SDK1: variants seen among roughly 807,000 people sequenced by gnomAD.
The protein encoded by SDK1 is sidekick cell adhesion molecule 1.
In SDK1, 157 loss-of-function variants were observed where a neutral mutation model predicts 245.5. The observed-to-expected ratio is 0.64, with a 90% CI of 0.56 to 0.73. SDK1 has a LOEUF of 0.73. Among genes scored for constraint, SDK1 ranks in the 30% least tolerant of loss-of-function variants. The pLI is 0.00. For synonymous variants in SDK1, 1,647 were observed against 1,278.5 expected, an observed-to-expected ratio of 1.29 and a Z score of -6.15; for missense variants, 3,583 against 3,002.3, an observed-to-expected ratio of 1.19 and a Z score of -4.52.
At chr7:4,116,704 G>A in intron 25 of SDK1, among the ~76,000 whole-genome samples, 1 of 152,230 alleles carries the variant, frequency 6.6e-6, no homozygotes, top group East Asian at 1.9e-4. Context: ...CAGGAGGTGA[G>A]GGTAGACAGG....
chr7:3,858,578 G>C (rs74965375), intron 5 of SDK1, among the ~76,000 whole-genome samples: 163 of 152,104 alleles, frequency 1.1e-3, no homozygotes, highest in Middle Eastern at 3.4e-3. Context: ...AGTCGTCTAT[G>C]TCTGCTTTGT....
chr7:4,116,143 C>T (rs1341505935), intron 25 of SDK1, among the ~76,000 whole-genome samples: 3 of 152,080 alleles, frequency 2.0e-5, no homozygotes, highest in Non-Finnish European at 4.4e-5. Flanking sequence ...GAAGGTGGTG[C>T]CGAGGTGGGA....
Position 4,266,868 on chromosome 7 carries a change from C to A in SDK1, c.*1484C>A, listed in dbSNP as rs865806256. ...AGACTCAAGACCACCCTGTCAGTGC[C>A]CCCCAGTGCACGGCAAACGGGCAGG... is the stretch of plus-strand genomic sequence containing the variant. On this transcript the variant is annotated 3_prime_UTR_variant, in exon 45 of 45. Coordinates refer to ENST00000404826, the MANE Select transcript of SDK1 (RefSeq NM_152744.4). The A allele has an allele frequency of 2.4e-5, 24 of 985,528 alleles. No homozygotes were observed. The highest frequency in any genetic ancestry group is 1.0e-3 in the Middle Eastern group (2 of 1,916). 61.0% of individuals were successfully genotyped at this position (985,528 alleles called of 1,614,324 possible).
chr7:4,039,933 A>G (rs1788492031), intron 17 of SDK1, among the ~76,000 whole-genome samples: 1 of 152,224 alleles, frequency 6.6e-6, no homozygotes, highest in Non-Finnish European at 1.5e-5. Context: ...TTACTTAGTC[A>G]CATAGGTAAA....
chr7:3,826,872 G>C (rs1420878988), intron 5 of SDK1, among the ~76,000 whole-genome samples: 1 of 152,128 alleles, frequency 6.6e-6, no homozygotes, highest in African/African-American at 2.4e-5. Context: ...GCCCCAAATG[G>C]ATGGATTGGG....
intron 17 of SDK1, among the ~76,000 whole-genome samples, chr7:4,021,692 C>A (rs1186977484): frequency 3.9e-5 from 6 of 152,188 alleles, no homozygotes; most frequent in Non-Finnish European, 7.3e-5. Context: ...GTATGCCCAC[C>A]TTTAAGGAAC....
chr7:3,595,782 A>G (rs557255886), intron 1 of SDK1, among the ~76,000 whole-genome samples: 2 of 137,106 alleles, frequency 1.5e-5, no homozygotes, highest in Non-Finnish European at 3.1e-5. Flanking sequence ...GAGCCCAGAT[A>G]GTGCCACTGC....
chr7:4,203,672 C>T (rs1308679709), intron 35 of SDK1, among the ~76,000 whole-genome samples: 1 of 152,154 alleles, frequency 6.6e-6, no homozygotes, highest in Non-Finnish European at 1.5e-5. Context: ...GAGAGTTGCA[C>T]CGGGGCTTGT....
chr7:3,726,345 G>C (rs1779007341), intron 4 of SDK1, among the ~76,000 whole-genome samples: 1 of 152,218 alleles, frequency 6.6e-6, no homozygotes, highest in Non-Finnish European at 1.5e-5. Flanking sequence ...TGGATATTAA[G>C]ATAGTTGGTA....
chr7:3,935,853 G>A (rs752638636), intron 5 of SDK1, among the ~76,000 whole-genome samples: 10 of 152,220 alleles, frequency 6.6e-5, no homozygotes, highest in Non-Finnish European at 7.3e-5. Flanking sequence ...AAAATTAAAC[G>A]TCAGGTTACC....
chr7:3,593,458 A>C (rs1780952758), intron 1 of SDK1, among the ~76,000 whole-genome samples: 1 of 152,216 alleles, frequency 6.6e-6, no homozygotes, highest in African/African-American at 2.4e-5. Context: ...GGAAGTGCTC[A>C]GCTCATCTTT....
At chr7:3,960,951 C>T (rs1203907732) in intron 8 of SDK1, among the ~76,000 whole-genome samples, 2 of 152,200 alleles carry the variant, frequency 1.3e-5, no homozygotes, top group Non-Finnish European at 2.9e-5. Flanking sequence ...TCTGTTATGA[C>T]ATTAAATTGC....
chr7:3,951,641 C>T (rs1780842636), intron 6 of SDK1, 89 bp from the exon 7 acceptor site: 7 of 1,187,464 alleles, frequency 5.9e-6, no homozygotes, highest in South Asian at 3.9e-5. Context: ...GCATTAGCTT[C>T]GTCAAGCCTG....
intron 1 of SDK1, among the ~76,000 whole-genome samples, chr7:3,559,854 C>T (rs1779695372): frequency 6.6e-6 from 1 of 151,688 alleles, no homozygotes; most frequent in Non-Finnish European, 1.5e-5. Context: ...CAAGGCTGGT[C>T]TTTGTTTTGT....
At chr7:3,602,752 G>A (rs1043322499) in intron 1 of SDK1, among the ~76,000 whole-genome samples, 2 of 152,092 alleles carry the variant, frequency 1.3e-5, no homozygotes, top group South Asian at 2.1e-4. Flanking sequence ...GTCCTTGCCT[G>A]TGCCTATGTC....
intron 22 of SDK1, among the ~76,000 whole-genome samples, chr7:4,107,028 A>G (rs1782969654): frequency 6.6e-6 from 1 of 151,402 alleles, no homozygotes; most frequent in African/African-American, 2.4e-5. Context: ...GAGGGCAGGG[A>G]GCTCTAGGCA....
chr7:3,868,542 C>A (rs565588929), intron 5 of SDK1, among the ~76,000 whole-genome samples: 1 of 152,154 alleles, frequency 6.6e-6, no homozygotes, highest in Non-Finnish European at 1.5e-5. Flanking sequence ...GATGGGGGGC[C>A]TTTACAATCA....
At chr7:3,901,207 C>T (rs528981552) in intron 5 of SDK1, among the ~76,000 whole-genome samples, 8 of 151,332 alleles carry the variant, frequency 5.3e-5, no homozygotes, top group Non-Finnish European at 1.0e-4. Flanking sequence ...TTTTTTTTCC[C>T]GACAGAGTCT....
Position 3,610,473 on chromosome 7 carries a change from C to G in SDK1, c.299-8607C>G, listed in dbSNP as rs552586649. ...ATAGAAATGACAGTTCAGTATACTT[C>G]TACTTTGAAGTAAAATATTGGAGAG... On this transcript the variant is annotated intron_variant, in intron 1 of 44. Transcript: ENST00000404826. Among the ~76,000 whole-genome samples the G allele has an allele frequency of 2.6e-5, 4 of 152,290 alleles. No individual in the cohort carries two copies. The East Asian group carries it at 5.8e-4, about 22-fold the overall frequency.
Sources: gnomAD v4.1 joint callset for allele counts (sites outside exome capture counted in the v4.1 genomes callset) on GRCh38, gnomAD v4.1.1 for gene constraint, MANE v1.5 for transcripts, NCBI Gene and HGNC (gene_info 2026-07-23, HGNC 2026-07-21) for gene names.